Variants in NF1 observed in about 807,000 individuals in gnomAD.
NF1 encodes the protein neurofibromin 1.
In NF1, 122 loss-of-function variants were observed where a neutral mutation model predicts 325.7. The observed-to-expected ratio is 0.37, with a 90% CI of 0.32 to 0.44. The LOEUF is 0.44. NF1 is among the 20% of genes least tolerant of loss of function. The pLI is 1.00. For synonymous variants in NF1, 1,091 were observed against 1,186.0 expected (o/e 0.92, Z 1.65); for missense variants, 2,140 against 3,415.4 (o/e 0.63, Z 9.31).
At chr17:31,258,221 A>G (rs2067617035) in intron 31 of NF1, 123 bp from the exon 32 acceptor site, 1 of 987,624 alleles carries the variant, frequency 1.0e-6, no homozygotes, top group Non-Finnish European at 1.6e-6. Context: ...AAATAGAAAT[A>G]TGTCATTCAT....
chr17:31,119,871 T>C (rs957340190), intron 1 of NF1, among the ~76,000 whole-genome samples: 16 of 152,250 alleles, frequency 1.1e-4, no homozygotes, highest in African/African-American at 3.9e-4. Flanking sequence ...TAGGGAATCC[T>C]TTCCCCATTG....
At chr17:31,124,865 T>C (rs953683032) in intron 1 of NF1, among the ~76,000 whole-genome samples, 3 of 151,828 alleles carry the variant, frequency 2.0e-5, no homozygotes, top group Admixed American at 6.6e-5. Flanking sequence ...CCTCCCAAAG[T>C]GCTGGGATTA....
chr17:31,166,694 G>A (rs1401732249), intron 4 of NF1, among the ~76,000 whole-genome samples: 1 of 151,640 alleles, frequency 6.6e-6, no homozygotes, highest in Non-Finnish European at 1.5e-5. Flanking sequence ...TTTTCTTTTT[G>A]TGGGGAGTGG....
At chr17:31,148,474 G>A (rs193235607) in intron 1 of NF1, among the ~76,000 whole-genome samples, 5 of 150,516 alleles carry the variant, frequency 3.3e-5, no homozygotes, top group Admixed American at 6.6e-5. Flanking sequence ...GGAAATGGTC[G>A]TTCAAGATTA....
intron 1 of NF1, among the ~76,000 whole-genome samples, chr17:31,146,468 A>G (rs1415006949): frequency 6.6e-6 from 1 of 151,028 alleles, no homozygotes; most frequent in African/African-American, 2.4e-5. Context: ...TCCAATCTGT[A>G]TATCTCTGAG....
intron 12 of NF1, among the ~76,000 whole-genome samples, chr17:31,207,215 A>G (rs2066640148): frequency 6.6e-6 from 1 of 152,114 alleles, no homozygotes; most frequent in African/African-American, 2.4e-5. Context: ...ACCCATTGTA[A>G]CTACATCAGA....
At chr17:31,200,327 G>A in intron 8 of NF1, 95 bp from the exon 9 acceptor site, 1 of 1,093,778 alleles carries the variant, frequency 9.1e-7, no homozygotes. Context: ...TTTATAGTAT[G>A]AGTTTTAGAG....
chr17:31,104,978 C>T lies in NF1; in HGVS notation c.60+9609C>T, dbSNP rs17881121. Among the ~76,000 whole-genome samples the T allele has an allele frequency of 6.8e-3, 1,029 of 152,280 alleles. 17 individuals carry two copies. Among genetic ancestry groups the T allele is most frequent in the African/African-American group, 0.023 (964 of 41,564 alleles). ...GGAGTGCAGTGGTGTGATCATAGCT[C>T]ACCATAGCCTCGAACTCCTGGGCTC... is the stretch of plus-strand genomic sequence containing the variant. On this transcript the variant is annotated intron_variant, in intron 1 of 57. Transcript: ENST00000358273.
chr17:31,145,566 C>T (rs1022371142), intron 1 of NF1, among the ~76,000 whole-genome samples: 1 of 152,096 alleles, frequency 6.6e-6, no homozygotes, highest in African/African-American at 2.4e-5. Context: ...CCCCTGAACA[C>T]CTTATCTGAT....
intron 2 of NF1, among the ~76,000 whole-genome samples, chr17:31,158,511 T>C (rs1409660963): frequency 6.6e-6 from 1 of 152,204 alleles, no homozygotes; most frequent in African/African-American, 2.4e-5. Flanking sequence ...AGCATTGTTA[T>C]ATTGGCGTTC....
rs185015732 is a variant in NF1 at position 31,376,932 on chromosome 17, C to T, written c.*2777C>T. On this transcript the variant is annotated 3_prime_UTR_variant, in exon 58 of 58. Transcript: ENST00000358273. ...CACTCAACACCTGTTCATGACTGAG[C>T]CAGGTGCCCAGGACACATCCTAAAC... 1.5e-4 allele frequency: 34 copies of T among 233,268 alleles called. No homozygotes were observed. Among genetic ancestry groups the T allele is most frequent in the Admixed American group, 9.5e-4 (17 of 17,802 alleles). The allele number at this position is 233,268 out of a possible 1,614,324, so 14.4% of individuals were successfully genotyped here.
chr17:31,348,063 G>T (rs2151571076), intron 48 of NF1, among the ~76,000 whole-genome samples: 1 of 98,838 alleles, frequency 1.0e-5, no homozygotes, highest in Non-Finnish European at 2.2e-5. Flanking sequence ...CTGTGGAGAT[G>T]GGGTGCATAT....
rs139279968 is a variant in NF1 at position 31,159,529 on chromosome 17, T to C, written c.288+436T>C. On this transcript the variant is annotated intron_variant, in intron 3 of 57. Transcript: ENST00000358273. ...AATGAGAACTTAAAAATTAAACCTATTAAGGATAGATGTTACCTTGAGAAC... is the reference window on the plus strand; with the variant it reads ...AATGAGAACTTAAAAATTAAACCTACTAAGGATAGATGTTACCTTGAGAAC... Among the ~76,000 whole-genome samples, 25 of 152,308 alleles carry C rather than the reference T, an allele frequency of 1.6e-4. No individual in the cohort carries two copies. The East Asian group carries it at 4.8e-3, about 29-fold the overall frequency.
At chr17:31,259,675 A>G (rs1224352834) in intron 33 of NF1, among the ~76,000 whole-genome samples, 1 of 152,172 alleles carries the variant, frequency 6.6e-6, no homozygotes, top group Non-Finnish European at 1.5e-5. Flanking sequence ...TCTCTGAGTT[A>G]TTGGTCTATC....
At position 31,328,249 on chromosome 17, in the gene NF1, A is replaced by G. The variant is rs558753861; in HGVS notation, c.5609+410A>G. Among the ~76,000 whole-genome samples, 5 of 152,378 alleles carry G rather than the reference A, an allele frequency of 3.3e-5. No individual in the cohort carries two copies. In the South Asian group the frequency reaches 6.2e-4, roughly 19 times the overall value. On this transcript the variant is annotated intron_variant, in intron 38 of 57. Coordinates refer to ENST00000358273, the MANE Select transcript of NF1 (RefSeq NM_001042492.3). Reference sequence around the variant, plus strand: ...CAATAACTTGGTAACATTATTGCATACTTTCCACCTACATCACTCTTAACA... The same window carrying G: ...CAATAACTTGGTAACATTATTGCATGCTTTCCACCTACATCACTCTTAACA...
chr17:31,250,200 G>T, intron 30 of NF1: 1 of 319,332 alleles, frequency 3.1e-6, no homozygotes, highest in East Asian at 5.3e-5. Context: ...TTACAAAAAG[G>T]CTCAAGGAAA....
intron 46 of NF1, 65 bp downstream of exon 46, chr17:31,338,870 C>T: frequency 9.7e-7 from 1 of 1,029,630 alleles, no homozygotes; most frequent in Non-Finnish European, 1.5e-6. Context: ...TACTTTCTTT[C>T]AAAGAGTTTA....
At chr17:31,249,979 T>G in intron 30 of NF1, 1 of 492,734 alleles carries the variant, frequency 2.0e-6, no homozygotes, top group Non-Finnish European at 4.0e-6. Context: ...TTTGCTTTTT[T>G]AGCACACGGC....
Position 31,322,233 on chromosome 17 carries a change from C to T in NF1, c.4836-3587C>T, listed in dbSNP as rs1182179385. 9.9e-5 allele frequency among the ~76,000 whole-genome samples: 15 copies of T among 151,920 alleles called. No homozygotes were observed. The South Asian group carries it at 1.5e-3, about 15-fold the overall frequency. On this transcript the variant is annotated intron_variant, in intron 36 of 57. Transcript: ENST00000358273. ...GTGGCTCACACCTGTAATCCCAGCA[C>T]GTTGGGAGGGTTGACGCAGGCAGAT...
Sources: allele counts gnomAD v4.1 joint callset (sites outside exome capture counted in the v4.1 genomes callset), GRCh38; gene constraint gnomAD v4.1.1; transcripts MANE v1.5; gene names NCBI Gene and HGNC (gene_info 2026-07-23, HGNC 2026-07-21).